The following EAF2 variants were observed in gnomAD, a reference collection of about 807,000 sequenced individuals.
The protein encoded by EAF2 is ELL associated factor 2.
Under a neutral mutation model 29.4 loss-of-function variants are expected in EAF2, and 29 were observed. The observed-to-expected ratio is 0.99, with a 90% CI of 0.73 to 1.35. The LOEUF is 1.35. Among genes scored for constraint, EAF2 ranks in the 40% most tolerant of loss-of-function variants. The pLI is 0.00. For synonymous variants in EAF2, 103 were observed against 102.5 expected (o/e 1.00, Z -0.03); for missense variants, 292 against 312.0 (o/e 0.94, Z 0.48).
intron 2 of EAF2, among the ~76,000 whole-genome samples, chr3:121,851,773 A>C (rs1322677530): frequency 6.6e-6 from 1 of 152,220 alleles, no homozygotes; most frequent in Non-Finnish European, 1.5e-5. Context: ...AGGGAGGAGA[A>C]TAACAATAAT....
intron 3 of EAF2, among the ~76,000 whole-genome samples, chr3:121,855,063 C>CTTTTTTTTTTT (rs1187492130): frequency 6.6e-6 from 1 of 152,102 alleles, no homozygotes; most frequent in Non-Finnish European, 1.5e-5. Flanking sequence ...TATAGGTACA[C>CTTTTTTTTTTT]TTTTTATCCT....
At chr3:121,843,965 A>G (rs930212834) in intron 1 of EAF2, among the ~76,000 whole-genome samples, 1 of 152,168 alleles carries the variant, frequency 6.6e-6, no homozygotes, top group Non-Finnish European at 1.5e-5. Flanking sequence ...GTGGTAGTAG[A>G]ATGACAGACA....
intron 4 of EAF2, among the ~76,000 whole-genome samples, chr3:121,862,004 G>C (rs1312670262): frequency 6.6e-6 from 1 of 152,166 alleles, no homozygotes; most frequent in African/African-American, 2.4e-5. Context: ...TGGCCCCCAT[G>C]CTCTTCTGGC....
At chr3:121,867,206 G>A (rs1055894834) in intron 4 of EAF2, among the ~76,000 whole-genome samples, 2 of 152,158 alleles carry the variant, frequency 1.3e-5, no homozygotes, top group African/African-American at 4.8e-5. Context: ...TCAAAGAAGA[G>A]GGAGAGCAGG....
intron 4 of EAF2, among the ~76,000 whole-genome samples, chr3:121,862,148 C>G (rs1464111793): frequency 6.6e-6 from 1 of 152,152 alleles, no homozygotes; most frequent in East Asian, 1.9e-4. Context: ...AATTATGTGT[C>G]TTGGAGTTGC....
chr3:121,859,254 C>T (rs915085069), intron 4 of EAF2, among the ~76,000 whole-genome samples: 2 of 152,114 alleles, frequency 1.3e-5, no homozygotes, highest in African/African-American at 2.4e-5. Flanking sequence ...TATAAATTAC[C>T]TTGGACAGTA....
rs1321529692 is a variant in EAF2 at position 121,835,226 on chromosome 3, G to A, written c.-60G>A. The stretch of plus-strand genomic sequence containing the variant: ...GCGGGATCAAGTGCAGCTGCTTCAG[G>A]CTGAGGTGGCAGATAGTGAGCGCTG... On this transcript the variant is annotated 5_prime_UTR_variant, in exon 1 of 6. Transcript: ENST00000273668. 3.3e-6 allele frequency: 5 copies of A among 1,528,858 alleles called. No homozygotes were observed. The highest frequency in any genetic ancestry group is 1.4e-5 in the African/African-American group (1 of 73,456). 94.7% of individuals were successfully genotyped at this position (1,528,858 alleles called of 1,614,324 possible). A position where few individuals can be genotyped will look rare whatever the true frequency, so the allele number is the denominator to read the frequency against.
chr3:121,846,464 C>T (rs1001226881), intron 2 of EAF2, among the ~76,000 whole-genome samples: 1 of 152,108 alleles, frequency 6.6e-6, no homozygotes, highest in African/African-American at 2.4e-5. Flanking sequence ...TCTCCAGTAA[C>T]CTAAGGCTTC....
At chr3:121,838,388 T>A (rs1708343537) in intron 1 of EAF2, among the ~76,000 whole-genome samples, 1 of 152,134 alleles carries the variant, frequency 6.6e-6, no homozygotes, top group Non-Finnish European at 1.5e-5. Context: ...ATACAGAAAG[T>A]ATGAATATGA....
intron 5 of EAF2, among the ~76,000 whole-genome samples, chr3:121,877,982 TA>T (rs969426458): frequency 6.6e-6 from 1 of 151,982 alleles, no homozygotes; most frequent in East Asian, 1.9e-4. Context: ...AAATGTTATT[TA>T]AAAAAAATTG....
intron 2 of EAF2, among the ~76,000 whole-genome samples, chr3:121,852,183 A>T (rs1708646534): frequency 6.6e-6 from 1 of 152,176 alleles, no homozygotes; most frequent in Non-Finnish European, 1.5e-5. Flanking sequence ...ATTAGTTCTT[A>T]TTTTCAGGAG....
In EAF2 at chr3:121,872,582, A is replaced by G; in HGVS notation, c.530A>G (p.Asp177Gly). 1 of 1,612,642 alleles carries G rather than the reference A, an allele frequency of 6.2e-7. No individual in the cohort carries two copies. The highest frequency in any genetic ancestry group is 8.5e-7 in the Non-Finnish European group (1 of 1,178,994). ...CTAATGGACCAGATGAGTAGTTGTG[A>G]TAGTTCATCAGATTCCAAAAGTTCA... ...ASLMDQMSSCDSSSDSKSSSS... is the reference protein window; with the variant it reads ...ASLMDQMSSCGSSSDSKSSSS... Residue 177 changes from aspartate (D) to glycine (G), a missense_variant, in exon 5 of 6, where the codon GAT (aspartate) becomes GGT (glycine). Transcript: ENST00000273668.
intron 2 of EAF2, among the ~76,000 whole-genome samples, chr3:121,849,376 C>T (rs1256784313): frequency 6.6e-6 from 1 of 152,098 alleles, no homozygotes; most frequent in Non-Finnish European, 1.5e-5. Flanking sequence ...TGGGCATTTA[C>T]GAATCTCTCT....
At chr3:121,847,435 T>C (rs7629369) in intron 2 of EAF2, among the ~76,000 whole-genome samples, 37,466 of 152,010 alleles carry the variant, frequency 0.25, 4,957 homozygotes, top group Non-Finnish European at 0.28. Flanking sequence ...AAAGAAAGTT[T>C]GTTAAACATT....
intron 3 of EAF2, among the ~76,000 whole-genome samples, chr3:121,856,789 G>A (rs528156492): frequency 3.5e-4 from 53 of 152,176 alleles, no homozygotes; most frequent in Non-Finnish European, 6.3e-4. Flanking sequence ...CACTGGTTTT[G>A]TTTTTGTTCT....
chr3:121,877,550 T>C (rs1422251659), intron 5 of EAF2, among the ~76,000 whole-genome samples: 1 of 151,802 alleles, frequency 6.6e-6, no homozygotes, highest in Non-Finnish European at 1.5e-5. Context: ...TAAATAAAAA[T>C]TACTTTAAAA....
At chr3:121,865,333 T>C (rs566208963) in intron 4 of EAF2, among the ~76,000 whole-genome samples, 10 of 152,350 alleles carry the variant, frequency 6.6e-5, no homozygotes, top group Admixed American at 2.0e-4. Flanking sequence ...ATTTCTAACT[T>C]AGTATGAGAA....
intron 4 of EAF2, among the ~76,000 whole-genome samples, chr3:121,861,086 C>A (rs972437064): frequency 2.6e-5 from 4 of 152,150 alleles, no homozygotes; most frequent in Admixed American, 2.6e-4. Context: ...TGCTTTACTT[C>A]TAACTATGTG....
intron 5 of EAF2, among the ~76,000 whole-genome samples, chr3:121,874,646 G>A (rs1472586384): frequency 6.6e-6 from 1 of 151,764 alleles, no homozygotes; most frequent in African/African-American, 2.4e-5. Flanking sequence ...AACTTTGAAG[G>A]GGTTCAGGAT....
Sources: allele counts gnomAD v4.1 joint callset (sites outside exome capture counted in the v4.1 genomes callset), GRCh38; gene constraint gnomAD v4.1.1; transcripts MANE v1.5; gene names NCBI Gene and HGNC (gene_info 2026-07-23, HGNC 2026-07-21).